Variants in WDR25 observed in about 807,000 individuals in gnomAD.
WDR25 encodes WD repeat-containing protein 25.
Under a neutral mutation model 47.7 loss-of-function variants are expected in WDR25, and 35 were observed. That is an observed-to-expected ratio of 0.73 (90% CI 0.56 to 0.97). The LOEUF (loss-of-function observed/expected upper bound fraction) is 0.97. Among genes scored for constraint, WDR25 ranks in the 50% least tolerant of loss-of-function variants. WDR25 has a pLI of 0.00. For synonymous variants in WDR25, 248 were observed against 278.9 expected (o/e 0.89, Z 1.10); for missense variants, 634 against 704.7 (o/e 0.90, Z 1.14).
chr14:100,403,339 C>T (rs1030729232), intron 2 of WDR25, among the ~76,000 whole-genome samples: 2 of 152,166 alleles, frequency 1.3e-5, no homozygotes, highest in Admixed American at 6.5e-5. Flanking sequence ...ACCTGGCTGC[C>T]TTTCCAACCA....
intron 2 of WDR25, among the ~76,000 whole-genome samples, chr14:100,417,763 C>T (rs959151617): frequency 3.3e-5 from 5 of 152,294 alleles, no homozygotes; most frequent in East Asian, 3.9e-4. Flanking sequence ...GGGCTGACAT[C>T]GCATTTTCTG....
chr14:100,395,652 C>T (rs1003639467), intron 2 of WDR25, among the ~76,000 whole-genome samples: 5 of 152,174 alleles, frequency 3.3e-5, no homozygotes, highest in African/African-American at 7.2e-5. Flanking sequence ...TTAATGAGCT[C>T]GTCTGTAAAA....
intron 2 of WDR25, among the ~76,000 whole-genome samples, chr14:100,451,816 ACT>A (rs1899044043): frequency 6.6e-6 from 1 of 152,060 alleles, no homozygotes; most frequent in Non-Finnish European, 1.5e-5. Context: ...TTAATTATTT[ACT>A]CTCAGAATAG....
rs1650566648 is a variant in WDR25 at position 100,392,697 on chromosome 14, G to T, written c.822+10951G>T. Among the ~76,000 whole-genome samples, 1 of 152,104 alleles carries T rather than the reference G, an allele frequency of 6.6e-6. No individual in the cohort carries two copies. The highest frequency in any genetic ancestry group is 2.4e-5 in the African/African-American group (1 of 41,420). On this transcript the variant is annotated intron_variant, in intron 2 of 6. Coordinates refer to ENST00000402312, the MANE Select transcript of WDR25 (RefSeq NM_001161476.3). This position sits in a 1 kb window ranked among gnomAD's most constrained non-coding sequence, Gnocchi z 4.2. ...GCCACCAGCCGCCTCTGCGTCTTTGGAGGGCCGTCAATTTTCACTGGTTCC... is the reference window on the plus strand; with the variant it reads ...GCCACCAGCCGCCTCTGCGTCTTTGTAGGGCCGTCAATTTTCACTGGTTCC...
At position 100,515,889 on chromosome 14, in the gene WDR25, C is replaced by T. The variant is rs183687925; in HGVS notation, c.1102-9981C>T. On this transcript the variant is annotated intron_variant, in intron 4 of 6. Coordinates refer to ENST00000402312, the MANE Select transcript of WDR25 (RefSeq NM_001161476.3). The stretch of plus-strand genomic sequence containing the variant: ...CTGACCTCAGGTGATCCACCTGCCT[C>T]AGCCTCCCAAAGTTCCGGTATTACA... Among the ~76,000 whole-genome samples the T allele has an allele frequency of 3.7e-3, 551 of 150,812 alleles. 3 individuals are homozygous for T. The highest frequency in any genetic ancestry group is 6.4e-3 in the Non-Finnish European group (433 of 67,802).
chr14:100,443,926 G>C (rs2140251015), intron 2 of WDR25, among the ~76,000 whole-genome samples: 1 of 152,292 alleles, frequency 6.6e-6, no homozygotes, highest in South Asian at 2.1e-4. Context: ...CAACCTTGAG[G>C]AGGAGATACC....
At chr14:100,465,780 C>A (rs1899609581) in intron 2 of WDR25, among the ~76,000 whole-genome samples, 1 of 152,210 alleles carries the variant, frequency 6.6e-6, no homozygotes, top group Admixed American at 6.5e-5. Context: ...GAGGAACCAT[C>A]ATGCTGTTTT....
intron 2 of WDR25, among the ~76,000 whole-genome samples, chr14:100,441,216 G>A (rs983500675): frequency 3.9e-5 from 6 of 152,180 alleles, no homozygotes; most frequent in Non-Finnish European, 5.9e-5. Flanking sequence ...GTCATCAAAC[G>A]TTTGCTGAGC....
intron 3 of WDR25, among the ~76,000 whole-genome samples, chr14:100,482,149 G>A (rs573503321): frequency 6.6e-6 from 1 of 151,708 alleles, no homozygotes; most frequent in Non-Finnish European, 1.5e-5. Context: ...ATCTAGGTCC[G>A]GGCATCTCTG....
intron 3 of WDR25, among the ~76,000 whole-genome samples, chr14:100,480,214 T>C (rs2140313927): frequency 6.6e-6 from 1 of 152,320 alleles, no homozygotes; most frequent in East Asian, 1.9e-4. Flanking sequence ...GGCTGGACCG[T>C]TAGGGTGTTG....
At chr14:100,382,700 T>C (rs1254391157) in intron 2 of WDR25, among the ~76,000 whole-genome samples, 1 of 152,174 alleles carries the variant, frequency 6.6e-6, no homozygotes, top group Non-Finnish European at 1.5e-5. Context: ...AAGCACCTGA[T>C]ATGTAGCGGG....
Position 100,381,182 on chromosome 14 carries a change from CGA to C in WDR25, c.259_260del (p.Asp87LeufsTer48), listed in dbSNP as rs1357361196. On this transcript the variant is annotated frameshift_variant, in exon 2 of 7. Coordinates refer to ENST00000402312, the MANE Select transcript of WDR25 (RefSeq NM_001161476.3). LOFTEE classifies it high-confidence loss of function. ...RLPLAQLGRS[D>X]WGSCPSQRLQ... ...TTCCATTGGCTCAGCTTGGGAGAAG[CGA>C]TTGGGGATCTTGCCCCAGCCAGAGG... is the stretch of plus-strand genomic sequence containing the variant. 3 of 1,614,142 alleles carry C rather than the reference CGA, an allele frequency of 1.9e-6. No homozygotes were observed. The highest frequency in any genetic ancestry group is 2.5e-6 in the Non-Finnish European group (3 of 1,180,032).
intron 2 of WDR25, among the ~76,000 whole-genome samples, chr14:100,419,221 CAAAAAA>C (rs767240939): frequency 1.4e-5 from 1 of 72,220 alleles, no homozygotes. Flanking sequence ...GACTCCATCA[CAAAAAA>C]AAAAAAAAAA....
intron 2 of WDR25, among the ~76,000 whole-genome samples, chr14:100,459,894 GTATATATATATATA>G (rs61706956): frequency 0.33 from 25,665 of 78,520 alleles, 4,083 homozygotes; most frequent in Admixed American, 0.44. Context: ...GTGTGTGTGT[GTATATATATATATA>G]TATATATATA....
chr14:100,440,017 T>A lies in WDR25; in HGVS notation c.823-28004T>A, dbSNP rs1032188300. Among the ~76,000 whole-genome samples, 1 of 152,190 alleles carries A rather than the reference T, an allele frequency of 6.6e-6. No individual in the cohort carries two copies. Among genetic ancestry groups the A allele is most frequent in the Non-Finnish European group, 1.5e-5 (1 of 68,028 alleles). ...TCAGGTCCACTTGTCAAGGAAAGGA[T>A]CCATTGTTAAGAAACAAACATGGGA... On this transcript the variant is annotated intron_variant, in intron 2 of 6. Coordinates refer to ENST00000402312, the MANE Select transcript of WDR25 (RefSeq NM_001161476.3). The surrounding 1 kb of genome is among the most constrained non-coding windows in gnomAD (Gnocchi z 4.4).
chr14:100,484,951 C>T (rs1235436832), intron 4 of WDR25, among the ~76,000 whole-genome samples: 1 of 152,210 alleles, frequency 6.6e-6, no homozygotes, highest in South Asian at 2.1e-4. Flanking sequence ...CTCCTCTCAT[C>T]AGAATCCTCC....
intron 2 of WDR25, among the ~76,000 whole-genome samples, chr14:100,418,614 C>T (rs1311547475): frequency 3.4e-5 from 5 of 146,908 alleles, no homozygotes; most frequent in Admixed American, 6.8e-5. Flanking sequence ...TCTAGCCTGG[C>T]GACTGAGCGA....
intron 2 of WDR25, among the ~76,000 whole-genome samples, chr14:100,455,726 G>A (rs1291390597): frequency 2.6e-5 from 4 of 152,330 alleles, no homozygotes; most frequent in African/African-American, 9.6e-5. Flanking sequence ...AAATAGTGGA[G>A]TCTAGAGACA....
intron 2 of WDR25, among the ~76,000 whole-genome samples, chr14:100,390,961 A>G (rs1897131438): frequency 6.6e-6 from 1 of 152,186 alleles, no homozygotes; most frequent in African/African-American, 2.4e-5. Flanking sequence ...CTAAACAAGC[A>G]TTTGTTATCC....
Sources: gnomAD v4.1 joint callset for allele counts (sites outside exome capture counted in the v4.1 genomes callset) on GRCh38, gnomAD v4.1.1 for gene constraint, Gnocchi (gnomAD v3.1) non-coding constraint, MANE v1.5 for transcripts, NCBI Gene and HGNC (gene_info 2026-07-23, HGNC 2026-07-21) for gene names.